SRL: variants seen among roughly 807,000 people sequenced by gnomAD.
The protein encoded by SRL is sarcalumenin.
Under a neutral mutation model 39.5 loss-of-function variants are expected in SRL, and 23 were observed. The ratio of observed to expected loss-of-function variants is 0.58; its 90% CI spans 0.42 to 0.82. The LOEUF is 0.82. Ranked by LOEUF, SRL falls within the 40% of genes least tolerant of loss-of-function variation. The pLI, the probability that SRL is intolerant of heterozygous loss-of-function variation, is 0.00. For missense variants in SRL, 592 were observed against 607.8 expected (o/e 0.97, Z 0.27); for synonymous variants, 272 against 237.4 (o/e 1.15, Z -1.34).
chr16:4,197,035 T>C (rs2052156423), intron 4 of SRL, among the ~76,000 whole-genome samples: 1 of 151,626 alleles, frequency 6.6e-6, no homozygotes, highest in Non-Finnish European at 1.5e-5. Context: ...ATGTCTTTTT[T>C]TGTTTTCTGT....
rs972920618 is a variant in SRL at position 4,196,771 on chromosome 16, G to A, written c.377-985C>T. Among the ~76,000 whole-genome samples, 4 of 151,900 alleles carry A rather than the reference G, an allele frequency of 2.6e-5. No individual in the cohort carries two copies. In the East Asian group the frequency reaches 5.9e-4, roughly 22 times the overall value. On this transcript the variant is annotated intron_variant, in intron 4 of 5. Transcript: ENST00000399609. The stretch of plus-strand genomic sequence containing the variant: ...TGGGATTACAGGCGTGAGCCACCGC[G>A]CCCAGCCGCCTACTGTCATATAAGT...
In SRL at chr16:4,233,623, C is replaced by T. The variant is rs142779456; in HGVS notation, c.61+8384G>A. Among the ~76,000 whole-genome samples, 497 of 152,074 alleles carry T rather than the reference C, an allele frequency of 3.3e-3. 2 individuals carry two copies. Among genetic ancestry groups the T allele is most frequent in the Non-Finnish European group, 4.7e-3 (319 of 67,988 alleles). ...CATCTCCCCAAATAGAAGGTCAGCTCCTGAGGGCAGAGACACAACTCATTC... is the reference window on the plus strand; with the variant it reads ...CATCTCCCCAAATAGAAGGTCAGCTTCTGAGGGCAGAGACACAACTCATTC... On this transcript the variant is annotated intron_variant, in intron 1 of 5. Coordinates refer to ENST00000399609, the MANE Select transcript of SRL (RefSeq NM_001098814.2).
chr16:4,206,932 T>TGGCTTCCTGGGGATCCCC lies in SRL; in HGVS notation c.62-2316_62-2299dup, dbSNP rs1567179068. ...GGTTCCCTGGCTTCCTGGGGCTCCC[T>TGGCTTCCTGGGGATCCCC]GGCTTCCTGGGGATCCCCACCTTCC... On this transcript the variant is annotated intron_variant, in intron 1 of 5. Transcript: ENST00000399609. 1.1e-5 allele frequency: 5 copies of TGGCTTCCTGGGGATCCCC among 455,416 alleles called. No homozygotes were observed. The Admixed American group carries it at 1.2e-4, about 11-fold the overall frequency. 28.2% of individuals were successfully genotyped at this position (455,416 alleles called of 1,614,324 possible). A position where few individuals can be genotyped will look rare whatever the true frequency, so the allele number is the denominator to read the frequency against.
chr16:4,214,318 T>A (rs1283431495), intron 1 of SRL, among the ~76,000 whole-genome samples: 2 of 152,240 alleles, frequency 1.3e-5, no homozygotes, highest in Admixed American at 6.5e-5. Context: ...TGACTTCTCA[T>A]CCATTTGAAC....
chr16:4,204,053 G>A (rs913478275), intron 2 of SRL, among the ~76,000 whole-genome samples: 2 of 152,168 alleles, frequency 1.3e-5, no homozygotes, highest in African/African-American at 2.4e-5. Context: ...CCCTCGATCC[G>A]CCACCCTCTA....
intron 1 of SRL, among the ~76,000 whole-genome samples, chr16:4,215,617 C>T (rs527871027): frequency 1.3e-5 from 2 of 152,286 alleles, no homozygotes; most frequent in Admixed American, 1.3e-4. Flanking sequence ...AGCAGTGGGC[C>T]AGCCAATAAG....
At chr16:4,222,850 T>C (rs186904199) in intron 1 of SRL, among the ~76,000 whole-genome samples, 78 of 152,166 alleles carry the variant, frequency 5.1e-4, no homozygotes, top group African/African-American at 1.8e-3. Context: ...TCCCAGCACT[T>C]TGGGAAGCTG....
chr16:4,203,777 C>T (rs901877899), intron 2 of SRL, among the ~76,000 whole-genome samples: 1 of 152,166 alleles, frequency 6.6e-6, no homozygotes, highest in Non-Finnish European at 1.5e-5. Context: ...CACTGCAAGC[C>T]CTTTCTTTGG....
chr16:4,197,786 G>C lies in SRL; in HGVS notation c.376+13C>G. 1 of 1,524,582 alleles carries C rather than the reference G, an allele frequency of 6.6e-7. No homozygotes were observed. Among genetic ancestry groups the C allele is most frequent in the Non-Finnish European group, 9.1e-7 (1 of 1,098,756 alleles). The allele number at this position is 1,524,582 out of a possible 1,614,324, so 94.4% of individuals were successfully genotyped here. On this transcript the variant is annotated intron_variant, in intron 4 of 5. Transcript: ENST00000399609. ...CATTCAAATCCCAACAATCACACAAGAATATTGATTACCTGTATAGAGCTG... is the reference window on the plus strand; with the variant it reads ...CATTCAAATCCCAACAATCACACAACAATATTGATTACCTGTATAGAGCTG...
At chr16:4,211,707 T>C (rs1305478193) in intron 1 of SRL, among the ~76,000 whole-genome samples, 1 of 150,402 alleles carries the variant, frequency 6.6e-6, no homozygotes, top group Non-Finnish European at 1.5e-5. Flanking sequence ...ATGGTGATGA[T>C]GGTGATGGTG....
intron 1 of SRL, among the ~76,000 whole-genome samples, chr16:4,223,476 C>A (rs568826547): frequency 7.2e-5 from 11 of 151,990 alleles, no homozygotes; most frequent in Admixed American, 6.6e-4. Context: ...CTCCAGGGCT[C>A]AAACGATCCT....
In SRL at chr16:4,204,513, T is replaced by C; in HGVS notation, c.163+20A>G. 6.2e-7 allele frequency: 1 copy of C among 1,601,682 alleles called. No individual in the cohort carries two copies. On this transcript the variant is annotated intron_variant, in intron 2 of 5. Transcript: ENST00000399609. ...GGCCGGGCTCTCCCAGCCCTGGGCA[T>C]ATCTCCCTCCCCTGGTTACCAGAGT... is the stretch of plus-strand genomic sequence containing the variant.
At chr16:4,197,508 G>T (rs2052165745) in intron 4 of SRL, among the ~76,000 whole-genome samples, 1 of 140,208 alleles carries the variant, frequency 7.1e-6, no homozygotes, top group Non-Finnish European at 1.5e-5. Flanking sequence ...TACAATCTCT[G>T]CCTTCTAGGT....
At chr16:4,222,101 C>G (rs2052537026) in intron 1 of SRL, among the ~76,000 whole-genome samples, 1 of 152,206 alleles carries the variant, frequency 6.6e-6, no homozygotes, top group African/African-American at 2.4e-5. Context: ...CCCCCAATAG[C>G]CCACACCACC....
chr16:4,223,806 C>T (rs903450372), intron 1 of SRL, among the ~76,000 whole-genome samples: 8 of 152,162 alleles, frequency 5.3e-5, no homozygotes, highest in African/African-American at 1.2e-4. Context: ...CAGAGACCTA[C>T]GGGTTGCAAA....
intron 1 of SRL, among the ~76,000 whole-genome samples, chr16:4,221,614 G>T (rs572868975): frequency 3.8e-4 from 58 of 152,322 alleles, no homozygotes; most frequent in African/African-American, 1.4e-3. Flanking sequence ...GGTCAAAAAA[G>T]GCCCAGATCC....
chr16:4,223,979 G>A (rs146382876), intron 1 of SRL, among the ~76,000 whole-genome samples: 3,327 of 152,228 alleles, frequency 0.022, 47 homozygotes, highest in Non-Finnish European at 0.031. Context: ...CTCCCTGCCC[G>A]ATAATATTCC....
At chr16:4,232,061 G>A (rs560500438) in intron 1 of SRL, among the ~76,000 whole-genome samples, 81 of 152,270 alleles carry the variant, frequency 5.3e-4, no homozygotes, top group African/African-American at 1.8e-3. Flanking sequence ...CGGTGCTCCC[G>A]CTGGGCCCCA....
At chr16:4,203,753 T>C (rs2052271763) in intron 2 of SRL, among the ~76,000 whole-genome samples, 1 of 151,998 alleles carries the variant, frequency 6.6e-6, no homozygotes, top group Non-Finnish European at 1.5e-5. Context: ...AAACCTTGTC[T>C]CGGCCTGCTG....
Sources: gnomAD v4.1 joint callset for allele counts (sites outside exome capture counted in the v4.1 genomes callset) on GRCh38, gnomAD v4.1.1 for gene constraint, MANE v1.5 for transcripts, NCBI Gene and HGNC (gene_info 2026-07-23, HGNC 2026-07-21) for gene names.